ARHGAP28: variants seen among roughly 807,000 people sequenced by gnomAD.
ARHGAP28 encodes the protein Rho GTPase activating protein 28.
ARHGAP28 carries 56 observed loss-of-function variants against 90.7 expected under a neutral mutation model. The ratio of observed to expected loss-of-function variants is 0.62; its 90% CI spans 0.50 to 0.77. The LOEUF (loss-of-function observed/expected upper bound fraction) is 0.77. Among genes scored for constraint, ARHGAP28 ranks in the 30% least tolerant of loss-of-function variants. The probability of loss-of-function intolerance (pLI) is 0.00; values close to 1 mark genes in which losing one functional copy is unlikely to be tolerated. For synonymous variants in ARHGAP28, 308 were observed against 323.3 expected (o/e 0.95, Z 0.51); for missense variants, 869 against 900.9 (o/e 0.96, Z 0.45).
intron 3 of ARHGAP28, among the ~76,000 whole-genome samples, chr18:6,837,805 G>T (rs549016675): frequency 6.6e-6 from 1 of 152,056 alleles, no homozygotes. Context: ...TGAATGGGGG[G>T]TGGGGATGAG....
rs781077440 is a variant in ARHGAP28, at chr18:6,914,523, T to A, written c.*2369T>A. 6.6e-5 allele frequency: 10 copies of A among 152,174 alleles called. No homozygotes were observed. Among genetic ancestry groups the A allele is most frequent in the Non-Finnish European group, 1.5e-4 (10 of 68,012 alleles). 9.4% of individuals were successfully genotyped at this position (152,174 alleles called of 1,614,324 possible). On this transcript the variant is annotated 3_prime_UTR_variant, in exon 18 of 18. Coordinates refer to ENST00000383472, the MANE Select transcript of ARHGAP28 (RefSeq NM_001366230.1). ...TTTTGACCAATTTTATTCCTAAGAA[T>A]AAACAAACCCCTACAGTTAAAATGC...
At chr18:6,790,027 CG>C (rs2056395388) in intron 1 of ARHGAP28, 1 of 151,964 alleles carries the variant, frequency 6.6e-6, no homozygotes, top group Non-Finnish European at 1.5e-5. Flanking sequence ...CAAAGAGAGA[CG>C]GGGTTTCACC....
chr18:6,896,041 T>C (rs931897879), intron 15 of ARHGAP28, among the ~76,000 whole-genome samples: 3 of 152,158 alleles, frequency 2.0e-5, no homozygotes, highest in Non-Finnish European at 4.4e-5. Flanking sequence ...CCATGTGGAA[T>C]TGAATTTGGA....
At chr18:6,739,244 T>C (rs761846173) in intron 1 of ARHGAP28, among the ~76,000 whole-genome samples, 1 of 152,118 alleles carries the variant, frequency 6.6e-6, no homozygotes, top group Non-Finnish European at 1.5e-5. Flanking sequence ...GCAGGGACAA[T>C]ACCGGTATAG....
intron 4 of ARHGAP28, among the ~76,000 whole-genome samples, chr18:6,853,276 G>A (rs1187952976): frequency 2.0e-5 from 3 of 152,130 alleles, no homozygotes; most frequent in Non-Finnish European, 2.9e-5. Context: ...GATGGAAGAG[G>A]GGGTTGGACA....
At chr18:6,895,471 G>A (rs1010194090) in intron 15 of ARHGAP28, among the ~76,000 whole-genome samples, 1 of 152,218 alleles carries the variant, frequency 6.6e-6, no homozygotes, top group African/African-American at 2.4e-5. Context: ...AGTTCTTGAG[G>A]CTGAAAGTCC....
intron 1 of ARHGAP28, among the ~76,000 whole-genome samples, chr18:6,775,297 C>T (rs1279133375): frequency 6.6e-6 from 1 of 152,134 alleles, no homozygotes; most frequent in Non-Finnish European, 1.5e-5. Flanking sequence ...ATTATGGATT[C>T]CTTTTCCTTG....
chr18:6,764,634 A>C (rs9965330), intron 1 of ARHGAP28, among the ~76,000 whole-genome samples: 84,299 of 152,042 alleles, frequency 0.55, 24,006 homozygotes, highest in East Asian at 0.91. Context: ...CTGATTGGAT[A>C]TGACCTGTGT....
At chr18:6,878,760 T>C (rs761064514) in intron 10 of ARHGAP28, among the ~76,000 whole-genome samples, 1 of 152,116 alleles carries the variant, frequency 6.6e-6, no homozygotes, top group Non-Finnish European at 1.5e-5. Context: ...GTTTGAGCCC[T>C]AGGAAGGCCA....
At chr18:6,738,898 G>T in intron 1 of ARHGAP28, among the ~76,000 whole-genome samples, 1 of 152,186 alleles carries the variant, frequency 6.6e-6, no homozygotes, top group East Asian at 1.9e-4. Flanking sequence ...CCACCATAAT[G>T]CTCATTTGGT....
In ARHGAP28 at chr18:6,912,698, G is replaced by T. The variant is rs2057405413; in HGVS notation, c.*544G>T. 6.6e-6 allele frequency: 1 copy of T among 152,296 alleles called. No individual in the cohort carries two copies. The highest frequency in any genetic ancestry group is 2.1e-4 in the South Asian group (1 of 4,830). The allele number at this position is 152,296 out of a possible 1,614,324, so 9.4% of individuals were successfully genotyped here. ...TTATGCTCTGACTGACTCCTGAATT[G>T]GAAGAGGAAGAACTTCTGTTTACAG... On this transcript the variant is annotated 3_prime_UTR_variant, in exon 18 of 18. Coordinates refer to ENST00000383472, the MANE Select transcript of ARHGAP28 (RefSeq NM_001366230.1).
chr18:6,898,406 C>A, intron 16 of ARHGAP28: 1 of 1,114,494 alleles, frequency 9.0e-7, no homozygotes, highest in Non-Finnish European at 1.4e-6. Context: ...TATACACACA[C>A]ACATTAACCC....
chr18:6,851,398 A>G (rs558516835), intron 4 of ARHGAP28, among the ~76,000 whole-genome samples: 26 of 152,326 alleles, frequency 1.7e-4, no homozygotes, highest in African/African-American at 5.3e-4. Flanking sequence ...TAGATACCCT[A>G]TAGAATGGCT....
At chr18:6,865,117 A>AT (rs1193654092) in intron 5 of ARHGAP28, among the ~76,000 whole-genome samples, 1 of 151,896 alleles carries the variant, frequency 6.6e-6, no homozygotes, top group Non-Finnish European at 1.5e-5. Flanking sequence ...TACTTGGATA[A>AT]TTTTTTCTCA....
intron 16 of ARHGAP28, among the ~76,000 whole-genome samples, chr18:6,906,599 G>A (rs115172764): frequency 2.0e-5 from 3 of 152,084 alleles, no homozygotes; most frequent in East Asian, 3.8e-4. Flanking sequence ...AATAAACCTC[G>A]ATCTAAACCT....
At chr18:6,823,916 A>AT in intron 1 of ARHGAP28, among the ~76,000 whole-genome samples, 1 of 152,018 alleles carries the variant, frequency 6.6e-6, no homozygotes, top group South Asian at 2.1e-4. Context: ...TCTATTTTTA[A>AT]TTTTTTGAGG....
intron 2 of ARHGAP28, among the ~76,000 whole-genome samples, chr18:6,825,309 C>G (rs2056654318): frequency 6.6e-6 from 1 of 151,986 alleles, no homozygotes; most frequent in Non-Finnish European, 1.5e-5. Flanking sequence ...CATTTGTCTA[C>G]TCATTTGTTA....
chr18:6,899,210 AAGG>A (rs2057325436), intron 16 of ARHGAP28, among the ~76,000 whole-genome samples: 1 of 152,134 alleles, frequency 6.6e-6, no homozygotes. Context: ...TAAGTTAAAA[AAGG>A]AGGGAGAAGC....
At chr18:6,799,323 GT>G (rs151229031) in intron 1 of ARHGAP28, among the ~76,000 whole-genome samples, 28,689 of 152,086 alleles carry the variant, frequency 0.19, 3,120 homozygotes, top group African/African-American at 0.3. Context: ...AAAGTAATTT[GT>G]AGATTCAGTG....
Sources: allele counts gnomAD v4.1 joint callset (sites outside exome capture counted in the v4.1 genomes callset), GRCh38; gene constraint gnomAD v4.1.1; transcripts MANE v1.5; gene names NCBI Gene and HGNC (gene_info 2026-07-23, HGNC 2026-07-21).